Variants in CTCFL observed in about 807,000 individuals in gnomAD.
CTCFL encodes the protein CCCTC-binding factor like.
In CTCFL, 36 loss-of-function variants were observed where a neutral mutation model predicts 67.4. The ratio of observed to expected loss-of-function variants is 0.53; its 90% CI spans 0.41 to 0.71. The LOEUF (loss-of-function observed/expected upper bound fraction) is 0.71. CTCFL is among the 30% of genes least tolerant of loss of function. The pLI is 0.00. For synonymous variants in CTCFL, 324 were observed against 302.3 expected, an observed-to-expected ratio of 1.07 and a Z score of -0.75; for missense variants, 786 against 835.2, an observed-to-expected ratio of 0.94 and a Z score of 0.73.
intron 3 of CTCFL, 53 bp from the exon 4 acceptor site, chr20:57,519,430 A>G (rs1223431827): frequency 2.0e-6 from 3 of 1,513,478 alleles, no homozygotes; most frequent in Non-Finnish European, 2.7e-6. Context: ...TTCCATTTAA[A>G]TACTTGAAAG....
At chr20:57,503,942 A>G (rs912239922) in intron 9 of CTCFL, among the ~76,000 whole-genome samples, 4 of 151,128 alleles carry the variant, frequency 2.6e-5, no homozygotes, top group Admixed American at 2.0e-4. Flanking sequence ...AAAAAAAAAA[A>G]GAAAGAAAAG....
chr20:57,498,770 A>G, intron 10 of CTCFL, 69 bp from the exon 11 acceptor site: 1 of 1,437,956 alleles, frequency 7.0e-7, no homozygotes, highest in Non-Finnish European at 9.6e-7. Flanking sequence ...AAACTGTGCA[A>G]ATATATTTTG....
At chr20:57,516,214 T>G (rs1365185621) in intron 5 of CTCFL, among the ~76,000 whole-genome samples, 1 of 152,238 alleles carries the variant, frequency 6.6e-6, no homozygotes, top group African/African-American at 2.4e-5. Flanking sequence ...GCAAACATTT[T>G]TTTTTCCTTG....
Position 57,514,650 on chromosome 20 carries a change from A to G in CTCFL, c.1272T>C (p.Asn424=), listed in dbSNP as rs2068784758. 1 of 1,614,024 alleles carries G rather than the reference A, an allele frequency of 6.2e-7. No homozygotes were observed. Among genetic ancestry groups the G allele is most frequent in the East Asian group, 2.2e-5 (1 of 44,900 alleles). Reference sequence around the variant, plus strand: ...AATGGGGACACTGGTATTTGGGGACATTTTCGCCGTGTTTCTGCAGAATAT... The same window carrying G: ...AATGGGGACACTGGTATTTGGGGACGTTTTCGCCGTGTTTCTGCAGAATAT... ...KIHILQKHGE[N]VPKYQCPHCA... The change falls in exon 7 of 11, where the codon AAT becomes AAC. Residue 424 remains asparagine, a synonymous_variant. Transcript: ENST00000243914.
rs201396833 is a variant in CTCFL, at chr20:57,523,183, G to A, written c.639C>T (p.Asp213=). 122 of 1,613,752 alleles carry A rather than the reference G, an allele frequency of 7.6e-5. No individual in the cohort carries two copies. The highest frequency in any genetic ancestry group is 9.7e-5 in the Non-Finnish European group (114 of 1,179,964). The change falls in exon 3 of 11, where the codon GAC becomes GAT. Residue 213 remains aspartate (D), a synonymous_variant. Coordinates refer to ENST00000243914, the MANE Select transcript of CTCFL (RefSeq NM_001386993.1). ...VETMSGDERS[D]EIVLTVSNSN... ...AATTTGAAACTGTGAGAACAATTTCGTCACTTCTTTCATCTCCTGACATTG... is the reference window on the plus strand; with the variant it reads ...AATTTGAAACTGTGAGAACAATTTCATCACTTCTTTCATCTCCTGACATTG...
At chr20:57,514,051 T>C (rs1047531699) in intron 7 of CTCFL, among the ~76,000 whole-genome samples, 1 of 152,200 alleles carries the variant, frequency 6.6e-6, no homozygotes, top group Non-Finnish European at 1.5e-5. Flanking sequence ...CTCACCGTGG[T>C]AGATGCGGAT....
At chr20:57,507,396 C>G in intron 9 of CTCFL, 1 of 594,012 alleles carries the variant, frequency 1.7e-6, no homozygotes, top group Admixed American at 2.9e-5. Flanking sequence ...CAGGGTTTCA[C>G]CATGTTGGCC....
chr20:57,505,591 A>G (rs1025470111), intron 9 of CTCFL, among the ~76,000 whole-genome samples: 13 of 152,192 alleles, frequency 8.5e-5, no homozygotes, highest in Non-Finnish European at 1.8e-4. Flanking sequence ...TCTACTCTCT[A>G]AAGTGAAGAC....
Position 57,524,113 on chromosome 20 carries a change from T to TTCC in CTCFL, c.90_92dup (p.Glu31dup), listed in dbSNP as rs775560998. On this transcript the variant is annotated inframe_insertion, in exon 2 of 11. Transcript: ENST00000243914. ...CTTTCTCTCTGCACACTCCGTCTTT[T>TTCC]TCCTCCTCCTTCAGGCCTTTTTCCG... 9.3e-6 allele frequency: 15 copies of TTCC among 1,613,714 alleles called. No homozygotes were observed. In the African/African-American group the frequency reaches 1.9e-4, roughly 20 times the overall value.
rs78369777 is a variant in CTCFL, at chr20:57,507,506, G to C, written c.1674+1100C>G. 3.4e-3 allele frequency: 2,364 copies of C among 688,828 alleles called. 9 individuals carry two copies. The highest frequency in any genetic ancestry group is 5.1e-3 in the Non-Finnish European group (1,906 of 374,796). The allele number at this position is 688,828 out of a possible 1,614,324, so 42.7% of individuals were successfully genotyped here. ...AGCCCCCACAGCTGGCTGTTGTGCCGCTTTTAGGACTAGACTGCAAAAGGC... is the reference window on the plus strand; with the variant it reads ...AGCCCCCACAGCTGGCTGTTGTGCCCCTTTTAGGACTAGACTGCAAAAGGC... On this transcript the variant is annotated intron_variant, in intron 9 of 10. Coordinates refer to ENST00000243914, the MANE Select transcript of CTCFL (RefSeq NM_001386993.1).
In CTCFL at chr20:57,498,672, T is replaced by G; in HGVS notation, c.1870A>C (p.Lys624Gln). The change falls in exon 11 of 11, where the codon AAG becomes CAG. Residue 624 changes from lysine to glutamine, a missense_variant. Physicochemically the swap from Lys to Gln is moderately conservative, Grantham distance 53. Coordinates refer to ENST00000243914, the MANE Select transcript of CTCFL (RefSeq NM_001386993.1). Reference protein sequence around the residue: ...EAAAEEASTTKGEQFPGEMFP... With the variant: ...EAAAEEASTTQGEQFPGEMFP... The stretch of plus-strand genomic sequence containing the variant: ...ATCTCTCCTGGGAACTGTTCTCCCT[T>G]CGTGGTGGAAGCCTCCTCAGCAGCA... 6.2e-7 allele frequency: 1 copy of G among 1,613,924 alleles called. No homozygotes were observed. The highest frequency in any genetic ancestry group is 8.5e-7 in the Non-Finnish European group (1 of 1,179,892).
downstream of CTCFL, chr20:57,496,186 G>T (rs2067722669): frequency 3.9e-6 from 2 of 518,318 alleles, no homozygotes; most frequent in Non-Finnish European, 7.0e-6. Flanking sequence ...CATGACAGTG[G>T]CGGTTCTCAA....
intron 8 of CTCFL, among the ~76,000 whole-genome samples, 160 bp downstream of exon 8, chr20:57,512,432 T>C (rs1427455100): frequency 2.2e-4 from 34 of 152,222 alleles, no homozygotes; most frequent in Admixed American, 2.2e-3. Context: ...AGAACTGTTG[T>C]TTTGAATGAC....
intron 10 of CTCFL, among the ~76,000 whole-genome samples, chr20:57,501,506 T>C (rs1344483842): frequency 1.3e-5 from 2 of 152,228 alleles, no homozygotes; most frequent in East Asian, 3.9e-4. Flanking sequence ...TTAAAAAATG[T>C]GAAAAATGAT....
intron 9 of CTCFL, among the ~76,000 whole-genome samples, chr20:57,505,719 T>C (rs1600644711): frequency 6.6e-6 from 1 of 152,188 alleles, no homozygotes; most frequent in East Asian, 1.9e-4. Context: ...AGGTCATGGG[T>C]GGCAGTTATG....
intron 3 of CTCFL, among the ~76,000 whole-genome samples, chr20:57,521,182 T>C (rs760553430): frequency 1.4e-4 from 22 of 152,180 alleles, no homozygotes; most frequent in Admixed American, 3.3e-4. Context: ...TTGAAGCCAC[T>C]CAGTTTGTGG....
chr20:57,509,741 C>T (rs1020032298), intron 8 of CTCFL, among the ~76,000 whole-genome samples: 4 of 152,190 alleles, frequency 2.6e-5, no homozygotes, highest in African/African-American at 9.7e-5. Flanking sequence ...GCTCTTTCTT[C>T]TAATCTTTCT....
intron 6 of CTCFL, 115 bp downstream of exon 6, chr20:57,515,599 G>A (rs1325170540): frequency 9.0e-6 from 12 of 1,339,162 alleles, no homozygotes; most frequent in East Asian, 2.3e-5. Flanking sequence ...ATGAAGGCAC[G>A]CAAAAATCCA....
intron 1 of CTCFL, chr20:57,524,655 T>C: frequency 1.0e-6 from 1 of 1,004,958 alleles, no homozygotes; most frequent in South Asian, 4.2e-5. Flanking sequence ...AAGTTTCAGG[T>C]CCAAGCAGGC....
Sources: gnomAD v4.1 joint callset for allele counts (sites outside exome capture counted in the v4.1 genomes callset) on GRCh38, gnomAD v4.1.1 for gene constraint, MANE v1.5 for transcripts, NCBI Gene and HGNC (gene_info 2026-07-23, HGNC 2026-07-21) for gene names.